VOPP1: variants seen among roughly 807,000 people sequenced by gnomAD.
VOPP1 encodes WW domain binding protein VOPP1.
VOPP1 carries 8 observed loss-of-function variants against 23.5 expected under a neutral mutation model. The ratio of observed to expected loss-of-function variants is 0.34; its 90% CI spans 0.20 to 0.61. The LOEUF is 0.61. Ranked by LOEUF, VOPP1 falls within the 20% of genes least tolerant of loss-of-function variation. The pLI is 0.78. For missense variants in VOPP1, 174 were observed against 238.1 expected, an observed-to-expected ratio of 0.73 and a Z score of 1.77; for synonymous variants, 83 against 97.3, an observed-to-expected ratio of 0.85 and a Z score of 0.86.
intron 2 of VOPP1, among the ~76,000 whole-genome samples, chr7:55,512,851 C>G (rs1795170608): frequency 6.6e-6 from 1 of 152,238 alleles, no homozygotes; most frequent in Non-Finnish European, 1.5e-5. Flanking sequence ...AGGGCACCTG[C>G]TGGTGAGAGG....
At chr7:55,507,658 A>G (rs1269692337) in intron 2 of VOPP1, among the ~76,000 whole-genome samples, 1 of 152,186 alleles carries the variant, frequency 6.6e-6, no homozygotes, top group East Asian at 1.9e-4. Flanking sequence ...AACTTCACAG[A>G]CCTGACTATG....
chr7:55,464,705 A>G (rs147607614), intron 4 of VOPP1, among the ~76,000 whole-genome samples: 1,829 of 152,278 alleles, frequency 0.012, 13 homozygotes, highest in Admixed American at 0.021. Flanking sequence ...GATGTCAGTC[A>G]GGGGATGTCA....
At chr7:55,483,961 C>T (rs1418011973) in intron 4 of VOPP1, among the ~76,000 whole-genome samples, 1 of 152,032 alleles carries the variant, frequency 6.6e-6, no homozygotes, top group African/African-American at 2.4e-5. Flanking sequence ...TTCATCATAT[C>T]GGTCAGGCTG....
chr7:55,447,693 CTA>C (rs1165876526), intron 4 of VOPP1, among the ~76,000 whole-genome samples: 3 of 152,118 alleles, frequency 2.0e-5, no homozygotes, highest in Non-Finnish European at 4.4e-5. Flanking sequence ...ATATGTATCT[CTA>C]GTGCAATATT....
At chr7:55,544,417 A>G (rs1042325451) in intron 1 of VOPP1, among the ~76,000 whole-genome samples, 2 of 152,244 alleles carry the variant, frequency 1.3e-5, no homozygotes, top group Non-Finnish European at 2.9e-5. Context: ...ACTTAGCTCC[A>G]GGCTCCTGAG....
intron 1 of VOPP1, among the ~76,000 whole-genome samples, chr7:55,565,889 C>T (rs1267826386): frequency 6.6e-6 from 1 of 152,168 alleles, no homozygotes; most frequent in African/African-American, 2.4e-5. Context: ...TGGGGAGGAC[C>T]TGGAGGGGAA....
chr7:55,534,456 G>A (rs538846109), intron 1 of VOPP1, among the ~76,000 whole-genome samples: 3 of 152,318 alleles, frequency 2.0e-5, no homozygotes, highest in Admixed American at 2.0e-4. Flanking sequence ...CACTCTGACT[G>A]GAGGTAAACT....
At chr7:55,505,191 G>C (rs1472396527) in intron 2 of VOPP1, among the ~76,000 whole-genome samples, 1 of 152,162 alleles carries the variant, frequency 6.6e-6, no homozygotes, top group Non-Finnish European at 1.5e-5. Flanking sequence ...AGGCAACTTT[G>C]CTCCTCCTCT....
At chr7:55,482,081 T>C (rs1304641032) in intron 4 of VOPP1, among the ~76,000 whole-genome samples, 2 of 152,218 alleles carry the variant, frequency 1.3e-5, no homozygotes, top group East Asian at 1.9e-4. Context: ...ATGACTATTG[T>C]ATCTTCACCT....
chr7:55,509,304 A>T (rs1018132144), intron 2 of VOPP1, among the ~76,000 whole-genome samples: 5 of 152,212 alleles, frequency 3.3e-5, no homozygotes, highest in African/African-American at 1.2e-4. Flanking sequence ...AAACAACAGA[A>T]ATTGATTGCT....
intron 3 of VOPP1, among the ~76,000 whole-genome samples, chr7:55,496,848 A>G (rs1210799619): frequency 6.6e-6 from 1 of 152,272 alleles, no homozygotes; most frequent in African/African-American, 2.4e-5. Flanking sequence ...AGCAAACTCT[A>G]AACTTTTTTG....
At chr7:55,473,311 A>G (rs1287934915) in intron 4 of VOPP1, among the ~76,000 whole-genome samples, 7 of 152,230 alleles carry the variant, frequency 4.6e-5, no homozygotes. Context: ...ACTGGGCCAC[A>G]GTAAGGTGAG....
At chr7:55,486,664 T>C (rs868289069) in intron 4 of VOPP1, among the ~76,000 whole-genome samples, 2 of 152,222 alleles carry the variant, frequency 1.3e-5, no homozygotes, top group African/African-American at 4.8e-5. Context: ...GATCAACCAG[T>C]TTCCTTCTGC....
downstream of VOPP1, among the ~76,000 whole-genome samples, chr7:55,470,321 A>C (rs1326955012): frequency 3.3e-5 from 5 of 152,248 alleles, no homozygotes; most frequent in South Asian, 2.1e-4. Flanking sequence ...GCTGTGTTTT[A>C]AGATGAAGGC....
intron 1 of VOPP1, among the ~76,000 whole-genome samples, chr7:55,546,303 G>C (rs1797365280): frequency 6.6e-6 from 1 of 152,186 alleles, no homozygotes; most frequent in African/African-American, 2.4e-5. Context: ...TTCCCAGGTA[G>C]CTCACTAAGT....
rs181938381 is a variant in VOPP1 at position 55,543,080 on chromosome 7, T to A, written c.55-21950A>T. 1.0e-2 allele frequency among the ~76,000 whole-genome samples: 1,518 copies of A among 152,060 alleles called. 11 individuals are homozygous for A. Among genetic ancestry groups the A allele is most frequent in the Middle Eastern group, 0.031 (9 of 294 alleles). ...ACAGGCACCTGCCACCACGCCCGGCTAATTTTTTGTGTTTTTAGTAGAGAC... is the reference window on the plus strand; with the variant it reads ...ACAGGCACCTGCCACCACGCCCGGCAAATTTTTTGTGTTTTTAGTAGAGAC... On this transcript the variant is annotated intron_variant, in intron 1 of 4. Coordinates refer to ENST00000285279, the MANE Select transcript of VOPP1 (RefSeq NM_030796.5).
chr7:55,465,978 G>T (rs1791621590), downstream of VOPP1, among the ~76,000 whole-genome samples: 1 of 152,194 alleles, frequency 6.6e-6, no homozygotes, highest in Non-Finnish European at 1.5e-5. Context: ...CTCCGATGGT[G>T]TTTGAAGGTG....
At chr7:55,523,826 G>A (rs932759879) in intron 1 of VOPP1, among the ~76,000 whole-genome samples, 6 of 152,190 alleles carry the variant, frequency 3.9e-5, no homozygotes, top group Non-Finnish European at 8.8e-5. Context: ...ATGCTTACCC[G>A]TGGAGGGTGG....
At chr7:55,492,582 C>A (rs529914731) in intron 3 of VOPP1, among the ~76,000 whole-genome samples, 164 bp from the exon 4 acceptor site, 35 of 152,204 alleles carry the variant, frequency 2.3e-4, no homozygotes, top group Non-Finnish European at 4.1e-4. Flanking sequence ...GCACCTCAGA[C>A]TTGGTCCTCT....
Sources: gnomAD v4.1 joint callset for allele counts (sites outside exome capture counted in the v4.1 genomes callset) on GRCh38, gnomAD v4.1.1 for gene constraint, MANE v1.5 for transcripts, NCBI Gene and HGNC (gene_info 2026-07-23, HGNC 2026-07-21) for gene names.